The following ABCC4 variants were observed in gnomAD, a reference collection of about 807,000 sequenced individuals.
The protein encoded by ABCC4 is ATP binding cassette subfamily C member 4 (PEL blood group).
Under a neutral mutation model 168.5 loss-of-function variants are expected in ABCC4, and 102 were observed. That is an observed-to-expected ratio of 0.61 (90% CI 0.52 to 0.71). ABCC4 has a LOEUF of 0.71. Ranked by LOEUF, ABCC4 falls within the 30% of genes least tolerant of loss-of-function variation. The pLI is 0.00. For synonymous variants in ABCC4, 617 were observed against 590.7 expected, an observed-to-expected ratio of 1.04 and a Z score of -0.65; for missense variants, 1,402 against 1,605.8, an observed-to-expected ratio of 0.87 and a Z score of 2.17.
chr13:95,064,248 GTGTGTGTGTGTGTATATA>G (rs1429216631), intron 25 of ABCC4, among the ~76,000 whole-genome samples: 2 of 7,720 alleles, frequency 2.6e-4, no homozygotes, highest in African/African-American at 1.2e-3. Context: ...ACATCCGGGT[GTGTGTGTGTGTGTATATA>G]TATATATATA....
At chr13:95,145,850 G>A (rs2036475534) in intron 19 of ABCC4, among the ~76,000 whole-genome samples, 1 of 152,106 alleles carries the variant, frequency 6.6e-6, no homozygotes, top group African/African-American at 2.4e-5. Flanking sequence ...ACAAGAAACA[G>A]AAAACCAAAT....
chr13:95,281,404 C>T (rs1474052223), intron 1 of ABCC4, among the ~76,000 whole-genome samples: 1 of 151,730 alleles, frequency 6.6e-6, no homozygotes, highest in Non-Finnish European at 1.5e-5. Flanking sequence ...CAGGCTTTTG[C>T]CCAAGACACA....
intron 1 of ABCC4, among the ~76,000 whole-genome samples, chr13:95,277,717 A>G (rs920024625): frequency 2.6e-5 from 4 of 152,170 alleles, no homozygotes; most frequent in African/African-American, 7.2e-5. Context: ...ACAAGTTCCA[A>G]GCAAAGAGAA....
chr13:95,269,767 T>C (rs1321409912), intron 1 of ABCC4, among the ~76,000 whole-genome samples: 2 of 152,206 alleles, frequency 1.3e-5, no homozygotes, highest in Admixed American at 6.5e-5. Flanking sequence ...TATAATCGTA[T>C]ACTGACCATT....
chr13:95,080,510 G>C (rs2034059512), intron 21 of ABCC4, among the ~76,000 whole-genome samples: 1 of 152,122 alleles, frequency 6.6e-6, no homozygotes, highest in Non-Finnish European at 1.5e-5. Context: ...TGATTCTCCT[G>C]CCTCAGCCTG....
At chr13:95,208,608 C>CTTTTTTTTT (rs58749262) in intron 6 of ABCC4, among the ~76,000 whole-genome samples, 5 of 74,652 alleles carry the variant, frequency 6.7e-5, no homozygotes, top group Admixed American at 2.1e-4. Flanking sequence ...AGCTGTATTT[C>CTTTTTTTTT]TTTTTTTTTT....
chr13:95,041,877 T>C (rs995220978), intron 29 of ABCC4, among the ~76,000 whole-genome samples: 3 of 152,144 alleles, frequency 2.0e-5, no homozygotes, highest in African/African-American at 4.8e-5. Context: ...GTCTCCTGGG[T>C]TCCCTGAGGC....
At chr13:95,045,475 G>C (rs1593999216) in intron 27 of ABCC4, among the ~76,000 whole-genome samples, 1 of 152,080 alleles carries the variant, frequency 6.6e-6, no homozygotes, top group Non-Finnish European at 1.5e-5. Flanking sequence ...CTATAAAGTA[G>C]GTCAGTACAT....
In ABCC4 at chr13:95,025,255, ACACACACC is replaced by A. The variant is rs2031398765; in HGVS notation, c.3871-3581_3871-3574del. ...CACCCATACACACACACCCACACAC[ACACACACC>A]CCCACACCCCCACACACACCCCCAC... On this transcript the variant is annotated intron_variant, in intron 30 of 30. Coordinates refer to ENST00000645237, the MANE Select transcript of ABCC4 (RefSeq NM_005845.5). Among the ~76,000 whole-genome samples, 99 of 31,990 alleles carry A rather than the reference ACACACACC, an allele frequency of 3.1e-3. 1 individual carries two copies. Among genetic ancestry groups the A allele is most frequent in the African/African-American group, 7.1e-3 (48 of 6,772 alleles). 21.0% of individuals were successfully genotyped at this position (31,990 alleles called of 152,430 possible). A position where few individuals can be genotyped will look rare whatever the true frequency, so the allele number is the denominator to read the frequency against.
At chr13:95,150,666 T>A (rs2036644806) in intron 19 of ABCC4, among the ~76,000 whole-genome samples, 1 of 152,226 alleles carries the variant, frequency 6.6e-6, no homozygotes. Flanking sequence ...ATAACATTAC[T>A]TACAGGGAAA....
At position 95,209,600 on chromosome 13, in the gene ABCC4, T is replaced by G. The variant is rs564629159; in HGVS notation, c.622-3A>C. On this transcript the variant is annotated splice_polypyrimidine_tract_variant and splice_region_variant and intron_variant, in intron 5 of 30. Transcript: ENST00000645237. ...AGGAAGTGTAAGAACACTGTCACCTTTAAAGAAAAAGACAGAGCGTTCTTA... is the reference window on the plus strand; with the variant it reads ...AGGAAGTGTAAGAACACTGTCACCTGTAAAGAAAAAGACAGAGCGTTCTTA... The G allele has an allele frequency of 3.2e-5, 52 of 1,608,818 alleles. 1 individual carries two copies. The South Asian group carries it at 5.0e-4, about 15-fold the overall frequency.
chr13:95,089,732 T>A (rs746376312), intron 20 of ABCC4, among the ~76,000 whole-genome samples: 3 of 152,016 alleles, frequency 2.0e-5, no homozygotes, highest in Admixed American at 6.5e-5. Context: ...ATGCTATTTA[T>A]CAGGTTAACG....
At chr13:95,082,474 T>C (rs12864049) in intron 21 of ABCC4, among the ~76,000 whole-genome samples, 14,982 of 152,262 alleles carry the variant, frequency 0.098, 1,015 homozygotes, top group Non-Finnish European at 0.15. Context: ...CTAAGGGGAT[T>C]ATTTTCAGTG....
At chr13:95,230,019 C>G (rs890376759) in intron 4 of ABCC4, among the ~76,000 whole-genome samples, 19 of 152,208 alleles carry the variant, frequency 1.2e-4, no homozygotes, top group African/African-American at 4.6e-4. Context: ...GCACTGTCCC[C>G]ACTGCAGAGG....
chr13:95,141,552 G>T (rs1387988126), intron 19 of ABCC4, among the ~76,000 whole-genome samples: 1 of 151,980 alleles, frequency 6.6e-6, no homozygotes, highest in Non-Finnish European at 1.5e-5. Flanking sequence ...TACACAAGGT[G>T]GGGGGTGGGG....
Position 95,066,062 on chromosome 13 carries a change from C to T in ABCC4, c.3211-3203G>A, listed in dbSNP as rs118028616. 4.3e-3 allele frequency among the ~76,000 whole-genome samples: 651 copies of T among 152,322 alleles called. 3 individuals are homozygous for T. The highest frequency in any genetic ancestry group is 7.1e-3 in the Non-Finnish European group (480 of 68,024). ...AGCTCCATGAGCAGGATTGAGTTTG[C>T]GGGGTGGCTGTGAGGACTAAGTGTG... On this transcript the variant is annotated intron_variant, in intron 25 of 30. Coordinates refer to ENST00000645237, the MANE Select transcript of ABCC4 (RefSeq NM_005845.5).
chr13:95,121,434 T>G (rs1252536685), intron 19 of ABCC4, among the ~76,000 whole-genome samples: 5 of 151,016 alleles, frequency 3.3e-5, no homozygotes, highest in East Asian at 3.9e-4. Context: ...TTTTTTTGTT[T>G]TTTTTTTTTT....
At chr13:95,091,680 T>A (rs78802048) in intron 20 of ABCC4, among the ~76,000 whole-genome samples, 1 of 151,916 alleles carries the variant, frequency 6.6e-6, no homozygotes, top group African/African-American at 2.4e-5. Flanking sequence ...TGGAAACGCA[T>A]CAAAACAGAA....
At chr13:95,235,198 T>C (rs2138760508) in intron 3 of ABCC4, among the ~76,000 whole-genome samples, 1 of 152,284 alleles carries the variant, frequency 6.6e-6, no homozygotes, top group East Asian at 1.9e-4. Flanking sequence ...GGCTCGTTTT[T>C]TCTTAACACA....
Sources: allele counts gnomAD v4.1 joint callset (sites outside exome capture counted in the v4.1 genomes callset), GRCh38; gene constraint gnomAD v4.1.1; transcripts MANE v1.5; gene names NCBI Gene and HGNC (gene_info 2026-07-23, HGNC 2026-07-21).